The following EGFLAM variants were observed in gnomAD, a reference collection of about 807,000 sequenced individuals.
The protein encoded by EGFLAM is pikachurin.
In EGFLAM, 79 loss-of-function variants were observed where a neutral mutation model predicts 113.1. That is an observed-to-expected ratio of 0.70 (90% CI 0.58 to 0.84). The LOEUF (loss-of-function observed/expected upper bound fraction) is 0.84. Among genes scored for constraint, EGFLAM ranks in the 40% least tolerant of loss-of-function variants. EGFLAM has a pLI of 0.00. For missense variants in EGFLAM, 1,265 were observed against 1,291.6 expected, an observed-to-expected ratio of 0.98 and a Z score of 0.32; for synonymous variants, 504 against 487.6, an observed-to-expected ratio of 1.03 and a Z score of -0.44.
At chr5:38,402,173 G>C (rs1741135607) in intron 6 of EGFLAM, 1 of 152,192 alleles carries the variant, frequency 6.6e-6, no homozygotes, top group Non-Finnish European at 1.5e-5. Flanking sequence ...GATGCATTCA[G>C]GAGACAACTG....
At chr5:38,268,651 T>C (rs1263474839) in intron 1 of EGFLAM, among the ~76,000 whole-genome samples, 2 of 152,194 alleles carry the variant, frequency 1.3e-5, no homozygotes, top group Admixed American at 1.3e-4. Flanking sequence ...CGTGGCAGAA[T>C]TTGACTTGGA....
chr5:38,262,686 C>T (rs1411295377), intron 1 of EGFLAM, among the ~76,000 whole-genome samples: 3 of 152,150 alleles, frequency 2.0e-5, no homozygotes, highest in African/African-American at 7.2e-5. Context: ...AGTAGTGGTG[C>T]GTTGGATGGA....
chr5:38,270,115 A>AC (rs111973996), intron 1 of EGFLAM, among the ~76,000 whole-genome samples: 2,937 of 152,318 alleles, frequency 0.019, 99 homozygotes, highest in African/African-American at 0.067. Flanking sequence ...GTAACCTGGG[A>AC]CAGCTTTCAG....
At chr5:38,431,663 A>G (rs1054514013) in intron 15 of EGFLAM, among the ~76,000 whole-genome samples, 40 of 152,296 alleles carry the variant, frequency 2.6e-4, no homozygotes, top group African/African-American at 9.1e-4. Context: ...AGGCCTGACA[A>G]GAACAGGCTG....
At chr5:38,434,440 T>C (rs1438203540) in intron 15 of EGFLAM, among the ~76,000 whole-genome samples, 2 of 152,232 alleles carry the variant, frequency 1.3e-5, no homozygotes, top group African/African-American at 4.8e-5. Context: ...GCACTTAACA[T>C]AGTGGCTGGG....
chr5:38,262,249 A>G (rs1757517446), intron 1 of EGFLAM, among the ~76,000 whole-genome samples: 1 of 152,248 alleles, frequency 6.6e-6, no homozygotes, highest in Non-Finnish European at 1.5e-5. Context: ...TGGGGCAGGA[A>G]GAAGGGAGGG....
At chr5:38,446,831 G>A (rs1235782214) in intron 17 of EGFLAM, among the ~76,000 whole-genome samples, 2 of 152,026 alleles carry the variant, frequency 1.3e-5, no homozygotes, top group African/African-American at 4.8e-5. Context: ...CATTGTCATA[G>A]GCTTTGCTGT....
At chr5:38,423,928 C>T (rs1254253697) in intron 12 of EGFLAM, among the ~76,000 whole-genome samples, 1 of 152,136 alleles carries the variant, frequency 6.6e-6, no homozygotes, top group Non-Finnish European at 1.5e-5. Context: ...GTGAGAGATT[C>T]ATCCTGCCGA....
At position 38,431,227 on chromosome 5, in the gene EGFLAM, G is replaced by T. The variant is rs748655132; in HGVS notation, c.2105G>T (p.Arg702Leu). The part of the protein sequence containing the change: ...LGNWHELRVS[R>L]TAKNGILQVD... ...AACTGGCACGAGCTTCGTGTATCTCGCACAGCAAAGAATGGAATCTTACAG... is the reference window on the plus strand; with the variant it reads ...AACTGGCACGAGCTTCGTGTATCTCTCACAGCAAAGAATGGAATCTTACAG... Residue 702 changes from arginine (R) to leucine (L), a missense_variant, in exon 15 of 22, where the codon CGC (arginine) becomes CTC (leucine). Transcript: ENST00000322350. The T allele has an allele frequency of 3.1e-6, 5 of 1,614,048 alleles. No homozygotes were observed. The highest frequency in any genetic ancestry group is 4.2e-6 in the Non-Finnish European group (5 of 1,180,028).
intron 1 of EGFLAM, among the ~76,000 whole-genome samples, chr5:38,297,323 A>C (rs527721920): frequency 6.6e-6 from 1 of 152,322 alleles, no homozygotes; most frequent in South Asian, 2.1e-4. Flanking sequence ...ATTAAAGATA[A>C]TGGTGTAGTT....
At chr5:38,316,292 C>A (rs1480305942) in intron 1 of EGFLAM, among the ~76,000 whole-genome samples, 1 of 152,072 alleles carries the variant, frequency 6.6e-6, no homozygotes, top group African/African-American at 2.4e-5. Flanking sequence ...GAGTGTGATT[C>A]TTCACCAGCT....
chr5:38,328,553 C>T (rs1293226487), intron 1 of EGFLAM, among the ~76,000 whole-genome samples: 1 of 152,144 alleles, frequency 6.6e-6, no homozygotes, highest in Admixed American at 6.5e-5. Flanking sequence ...TTTATACTGT[C>T]ACAAGCAATT....
chr5:38,258,970 C>T (rs1757428768), intron 1 of EGFLAM, 119 bp downstream of exon 1: 1 of 1,103,420 alleles, frequency 9.1e-7, no homozygotes, highest in Admixed American at 2.9e-5. Flanking sequence ...CTGCTTAACT[C>T]GCTTCAGCTC....
chr5:38,280,206 A>G (rs553199981), intron 1 of EGFLAM, among the ~76,000 whole-genome samples: 1 of 152,390 alleles, frequency 6.6e-6, no homozygotes, highest in East Asian at 1.9e-4. Context: ...AACTACCAAC[A>G]AAAGAAACTA....
chr5:38,374,429 C>T (rs570793062), intron 6 of EGFLAM, among the ~76,000 whole-genome samples: 2 of 151,914 alleles, frequency 1.3e-5, no homozygotes, highest in South Asian at 4.2e-4. Context: ...GAGATGGACT[C>T]CTAGGGGGTC....
intron 1 of EGFLAM, among the ~76,000 whole-genome samples, chr5:38,275,450 C>T (rs1757862771): frequency 6.6e-6 from 1 of 151,872 alleles, no homozygotes; most frequent in Admixed American, 6.6e-5. Context: ...GACTTTAAGT[C>T]AAAAACTATA....
chr5:38,381,188 A>C (rs903200286), intron 6 of EGFLAM, among the ~76,000 whole-genome samples: 17 of 152,128 alleles, frequency 1.1e-4, no homozygotes, highest in African/African-American at 4.1e-4. Flanking sequence ...TCATAATGTC[A>C]TGGCTAATCT....
chr5:38,443,744 G>A (rs1056181460), intron 17 of EGFLAM, among the ~76,000 whole-genome samples: 2 of 151,634 alleles, frequency 1.3e-5, no homozygotes, highest in African/African-American at 4.9e-5. Context: ...GTGAACGTGG[G>A]AAAGAAACCG....
In EGFLAM at chr5:38,418,051, T is replaced by C. The variant is rs1216266726; in HGVS notation, c.1495-15T>C. ...GTTTAGTGAGAGTATTCATGAGTGG[T>C]CATCTTTCTTAAAGGGCCAATACAG... On this transcript the variant is annotated splice_polypyrimidine_tract_variant and intron_variant, in intron 11 of 21. Transcript: ENST00000322350. 3 of 1,604,202 alleles carry C rather than the reference T, an allele frequency of 1.9e-6. No individual in the cohort carries two copies. The highest frequency in any genetic ancestry group is 4.5e-5 in the East Asian group (2 of 44,712).
Sources: allele counts gnomAD v4.1 joint callset (sites outside exome capture counted in the v4.1 genomes callset), GRCh38; gene constraint gnomAD v4.1.1; transcripts MANE v1.5; gene names NCBI Gene and HGNC (gene_info 2026-07-23, HGNC 2026-07-21).